Variants in COPA observed in about 807,000 individuals in gnomAD.
COPA encodes the protein coatomer subunit alpha.
Under a neutral mutation model 158.7 loss-of-function variants are expected in COPA, and 10 were observed. That is an observed-to-expected ratio of 0.06 (90% CI 0.04 to 0.11). The LOEUF is 0.11. COPA is among the 10% of genes least tolerant of loss of function. COPA has a pLI of 1.00. For synonymous variants in COPA, 462 were observed against 542.8 expected (o/e 0.85, Z 2.07); for missense variants, 1,065 against 1,536.7 (o/e 0.69, Z 5.13).
Position 160,314,012 on chromosome 1 carries a change from G to A in COPA, c.820C>T (p.Arg274Ter). The change falls in exon 9 of 33, where the codon CGA (arginine) becomes TGA (stop). Residue 274 changes from arginine (R) to a stop codon, truncating the protein, a stop_gained. Transcript: ENST00000241704. LOFTEE classifies it high-confidence loss of function. ...TACCGCTTAGACATATCCCAGACTC[G>A]AATACTCTTGTCCTCAGAATTGCTG... ...ILSNSEDKSI[R>*]VWDMSKRTGV... is the part of the protein sequence containing the mutation. The A allele has an allele frequency of 6.2e-7, 1 of 1,613,496 alleles. No homozygotes were observed. The highest frequency in any genetic ancestry group is 8.5e-7 in the Non-Finnish European group (1 of 1,179,768).
intron 30 of COPA, 125 bp downstream of exon 30, chr1:160,291,694 G>C: frequency 8.8e-7 from 1 of 1,141,944 alleles, no homozygotes; most frequent in Non-Finnish European, 1.3e-6. Flanking sequence ...TCCCCTCATA[G>C]AAATGAAGGG....
chr1:160,323,815 T>C (rs987856866), intron 7 of COPA, among the ~76,000 whole-genome samples: 2 of 152,222 alleles, frequency 1.3e-5, no homozygotes, highest in Non-Finnish European at 2.9e-5. Context: ...CCTATTTTTA[T>C]CTTATTTCTA....
intron 17 of COPA, chr1:160,305,205 A>C (rs1658745271): frequency 4.3e-6 from 2 of 462,134 alleles, no homozygotes; most frequent in Admixed American, 7.5e-5. Context: ...TCACTACATA[A>C]CTTATTTGTT....
chr1:160,335,814 C>T (rs917060398), intron 3 of COPA, among the ~76,000 whole-genome samples: 6 of 129,520 alleles, frequency 4.6e-5, no homozygotes, highest in African/African-American at 1.8e-4. Flanking sequence ...ACTCAGGATA[C>T]AAGAGGTTGC....
chr1:160,327,114 G>T (rs1647269808), intron 6 of COPA, among the ~76,000 whole-genome samples: 1 of 152,136 alleles, frequency 6.6e-6, no homozygotes, highest in African/African-American at 2.4e-5. Flanking sequence ...GAGAAAAAAA[G>T]AATTGAGACT....
intron 3 of COPA, among the ~76,000 whole-genome samples, chr1:160,337,512 G>C (rs891042701): frequency 3.3e-5 from 5 of 152,228 alleles, no homozygotes; most frequent in African/African-American, 1.2e-4. Context: ...CCGAGGTCGG[G>C]AGTTCAAGAC....
In COPA at chr1:160,301,165, T is replaced by A. The variant is rs951768627; in HGVS notation, c.1668-1901A>T. ...ACTCTGTCTCAAAAAAAATAAAAAA[T>A]AAAAAAAAATCAATTTAATTCACTA... On this transcript the variant is annotated intron_variant, in intron 17 of 32. Coordinates refer to ENST00000241704, the MANE Select transcript of COPA (RefSeq NM_004371.4). 1.9e-4 allele frequency among the ~76,000 whole-genome samples: 29 copies of A among 150,846 alleles called. 1 individual carries two copies. Among genetic ancestry groups the A allele is most frequent in the African/African-American group, 6.8e-4 (28 of 41,058 alleles).
chr1:160,299,281 C>G lies in COPA; in HGVS notation c.1668-17G>C, dbSNP rs766601061. On this transcript the variant is annotated splice_polypyrimidine_tract_variant and intron_variant, in intron 17 of 32. Transcript: ENST00000241704. Reference sequence around the variant, plus strand: ...CCGTGGTCCCTAAGAACAGAGGGCACAGCTTTCAGTAAGTGAGAGGGAAAA... The same window carrying G: ...CCGTGGTCCCTAAGAACAGAGGGCAGAGCTTTCAGTAAGTGAGAGGGAAAA... The G allele has an allele frequency of 8.1e-6, 13 of 1,595,114 alleles. No individual in the cohort carries two copies. In the African/African-American group the frequency reaches 1.7e-4, roughly 21 times the overall value.
chr1:160,322,820 C>T (rs980325045), intron 8 of COPA, among the ~76,000 whole-genome samples: 1 of 152,080 alleles, frequency 6.6e-6, no homozygotes. Flanking sequence ...AACATATTAT[C>T]CAGCAATTCC....
chr1:160,313,215 C>A, intron 9 of COPA, 48 bp from the exon 10 acceptor site: 1 of 1,531,574 alleles, frequency 6.5e-7, no homozygotes, highest in Non-Finnish European at 9.0e-7. Context: ...TAGGAATCTT[C>A]AGCCCATCCT....
chr1:160,302,711 C>T (rs111339815), intron 17 of COPA, among the ~76,000 whole-genome samples: 11,547 of 151,898 alleles, frequency 0.076, 566 homozygotes, highest in African/African-American at 0.13. Context: ...CCCACCACCA[C>T]GCCCAGCTAG....
In COPA at chr1:160,323,492, G is replaced by A; in HGVS notation, c.645C>T (p.Pro215=). 1 of 1,610,962 alleles carries A rather than the reference G, an allele frequency of 6.2e-7. No homozygotes were observed. Among genetic ancestry groups the A allele is most frequent in the Non-Finnish European group, 8.5e-7 (1 of 1,178,200 alleles). Residue 215 remains proline, a synonymous_variant, in exon 8 of 33, where the codon CCC becomes CCT. Coordinates refer to ENST00000241704, the MANE Select transcript of COPA (RefSeq NM_004371.4). The stretch of plus-strand genomic sequence containing the variant: ...CCCCAGATACAATAAGGGGCATAGT[G>A]GGGTGGAAGGCAGCCCAGTTTACTC... The part of the protein sequence containing the change: ...DRGVNWAAFH[P]TMPLIVSGAD...
chr1:160,337,380 T>C (rs979540185), intron 3 of COPA, among the ~76,000 whole-genome samples: 2 of 152,324 alleles, frequency 1.3e-5, no homozygotes, highest in Non-Finnish European at 1.5e-5. Flanking sequence ...TCCCCCTTTT[T>C]ATGGAAAAAT....
chr1:160,291,387 G>A lies in COPA; in HGVS notation c.3368C>T (p.Thr1123Ile), dbSNP rs1571146978. Residue 1123 changes from threonine to isoleucine, a missense_variant, in exon 31 of 33, where the codon ACC (threonine) becomes ATC (isoleucine). Transcript: ENST00000241704. ...GAGTTCTAGTAGGCGCCGAGCAAAG[G>A]TGGCAGCTGTCTTGAAGTTCTTGAG... ...FKLKNFKTAATFARRLLELGP... is the reference protein window; with the variant it reads ...FKLKNFKTAAIFARRLLELGP... The A allele has an allele frequency of 6.2e-7, 1 of 1,614,090 alleles. No individual in the cohort carries two copies. The highest frequency in any genetic ancestry group is 8.5e-7 in the Non-Finnish European group (1 of 1,179,996).
intron 3 of COPA, among the ~76,000 whole-genome samples, chr1:160,339,147 G>GCCCTTATTTCTCCTTATTGT (rs1647920023): frequency 1.4e-5 from 2 of 143,782 alleles, no homozygotes; most frequent in African/African-American, 5.9e-5. Context: ...CTCCTTATTG[G>GCCCTTATTTCTCCTTATTGT]CCATCTCATT....
chr1:160,311,734 G>A (rs1557866992), intron 11 of COPA, 134 bp downstream of exon 11: 4 of 893,544 alleles, frequency 4.5e-6, no homozygotes, highest in Non-Finnish European at 4.4e-6. Flanking sequence ...GCGACAAAGC[G>A]AGACTCCGTC....
intron 6 of COPA, among the ~76,000 whole-genome samples, chr1:160,329,431 C>T (rs1647402900): frequency 6.6e-6 from 1 of 152,120 alleles, no homozygotes; most frequent in South Asian, 2.1e-4. Context: ...CTTCTCTGAT[C>T]TAGGGCCCTT....
chr1:160,331,527 C>A lies in COPA; in HGVS notation c.496+921G>T, dbSNP rs554876098. Among the ~76,000 whole-genome samples, 61 of 151,182 alleles carry A rather than the reference C, an allele frequency of 4.0e-4. 1 individual carries two copies. The highest frequency in any genetic ancestry group is 1.4e-3 in the African/African-American group (57 of 41,066). Reference sequence around the variant, plus strand: ...AATTAGCTGTGCGTGGTGGCGTGCACCTGTAATCTCAGTTACTTATGAGGC... The same window carrying A: ...AATTAGCTGTGCGTGGTGGCGTGCAACTGTAATCTCAGTTACTTATGAGGC... On this transcript the variant is annotated intron_variant, in intron 6 of 32. Transcript: ENST00000241704.
chr1:160,338,728 C>G (rs760739014), intron 3 of COPA, among the ~76,000 whole-genome samples: 43 of 152,166 alleles, frequency 2.8e-4, no homozygotes, highest in Non-Finnish European at 4.7e-4. Context: ...CCAAAATTCT[C>G]TTCTTCCTTG....
Sources: gnomAD v4.1 joint callset for allele counts (sites outside exome capture counted in the v4.1 genomes callset) on GRCh38, gnomAD v4.1.1 for gene constraint, MANE v1.5 for transcripts, NCBI Gene and HGNC (gene_info 2026-07-23, HGNC 2026-07-21) for gene names.